Variants in HECW2 observed in about 807,000 individuals in gnomAD.
HECW2 encodes the protein HECT, C2 and WW domain containing E3 ubiquitin protein ligase 2.
Under a neutral mutation model 175.2 loss-of-function variants are expected in HECW2, and 61 were observed. The observed-to-expected ratio is 0.35, with a 90% CI of 0.28 to 0.43. The LOEUF (loss-of-function observed/expected upper bound fraction) is 0.43. Ranked by LOEUF, HECW2 falls within the 20% of genes least tolerant of loss-of-function variation. The pLI, the probability that HECW2 is intolerant of heterozygous loss-of-function variation, is 1.00. For synonymous variants in HECW2, 671 were observed against 731.0 expected (o/e 0.92, Z 1.32); for missense variants, 1,524 against 2,000.5 (o/e 0.76, Z 4.54).
intron 1 of HECW2, among the ~76,000 whole-genome samples, chr2:196,559,535 C>A (rs1016055294): frequency 1.3e-5 from 2 of 152,188 alleles, no homozygotes; most frequent in Admixed American, 6.5e-5. Flanking sequence ...ATGCGACAAG[C>A]CTGCAGTGTC....
intron 18 of HECW2, 76 bp downstream of exon 18, chr2:196,257,737 AATATTGGCAT>A: frequency 1.1e-6 from 1 of 948,108 alleles, no homozygotes; most frequent in Non-Finnish European, 1.7e-6. Flanking sequence ...TTAGGCTATG[AATATTGGCAT>A]ATTATTTTCT....
intron 3 of HECW2, among the ~76,000 whole-genome samples, chr2:196,340,698 G>A (rs1692719369): frequency 6.6e-6 from 1 of 151,880 alleles, no homozygotes; most frequent in Non-Finnish European, 1.5e-5. Flanking sequence ...AAGGGTAGGG[G>A]GTGAGTGTTT....
intron 1 of HECW2, among the ~76,000 whole-genome samples, chr2:196,489,014 C>T (rs1176082028): frequency 6.6e-6 from 1 of 152,070 alleles, no homozygotes; most frequent in Non-Finnish European, 1.5e-5. Flanking sequence ...AATGTATATA[C>T]TAACTAAAAC....
At chr2:196,292,889 T>C in intron 13 of HECW2, 139 bp from the exon 14 acceptor site, 1 of 623,382 alleles carries the variant, frequency 1.6e-6, no homozygotes, top group East Asian at 2.9e-5. Flanking sequence ...TAGACCCATG[T>C]ATGGAAACAG....
At chr2:196,586,517 G>T (rs1399721635) in intron 1 of HECW2, 1 of 152,062 alleles carries the variant, frequency 6.6e-6, no homozygotes, top group African/African-American at 2.4e-5. Flanking sequence ...CAGACACAGG[G>T]GCCACAGTTT....
chr2:196,415,343 A>G (rs949493600), intron 2 of HECW2, among the ~76,000 whole-genome samples: 3 of 152,194 alleles, frequency 2.0e-5, no homozygotes, highest in African/African-American at 7.2e-5. Context: ...TCTACCAACA[A>G]AAACAGGGGA....
At chr2:196,435,758 G>C (rs865806405) in intron 1 of HECW2, among the ~76,000 whole-genome samples, 2 of 152,122 alleles carry the variant, frequency 1.3e-5, no homozygotes, top group South Asian at 4.1e-4. Flanking sequence ...TTAACTCTCT[G>C]TCCCTCTGTT....
intron 21 of HECW2, among the ~76,000 whole-genome samples, chr2:196,237,760 A>C (rs891335729): frequency 3.3e-5 from 5 of 152,176 alleles, no homozygotes; most frequent in Admixed American, 1.3e-4. Context: ...TGCTCAAATT[A>C]TCTCAGCTTT....
chr2:196,287,556 T>C (rs1044980418), intron 14 of HECW2, among the ~76,000 whole-genome samples: 4 of 152,134 alleles, frequency 2.6e-5, no homozygotes, highest in African/African-American at 9.7e-5. Flanking sequence ...AAAAGAGACT[T>C]TTTTTTCTAA....
chr2:196,410,582 A>G (rs1695083235), intron 2 of HECW2, among the ~76,000 whole-genome samples: 1 of 152,212 alleles, frequency 6.6e-6, no homozygotes, highest in African/African-American at 2.4e-5. Context: ...AAAGCTCCCT[A>G]GGAATATAGG....
chr2:196,409,900 C>T (rs1247986477), intron 2 of HECW2, among the ~76,000 whole-genome samples: 1 of 152,300 alleles, frequency 6.6e-6, no homozygotes, highest in South Asian at 2.1e-4. Context: ...AAGGGAGAGA[C>T]TGCGTATTAC....
intron 2 of HECW2, among the ~76,000 whole-genome samples, chr2:196,428,686 G>T (rs1695618947): frequency 6.6e-6 from 1 of 152,086 alleles, no homozygotes; most frequent in Admixed American, 6.6e-5. Flanking sequence ...AATTGTTGTT[G>T]CTTCTTTTAA....
intron 17 of HECW2, among the ~76,000 whole-genome samples, chr2:196,265,220 C>A (rs1689463531): frequency 6.6e-6 from 1 of 152,226 alleles, no homozygotes; most frequent in South Asian, 2.1e-4. Context: ...CAGGGTGGCT[C>A]ACGCCTATAA....
chr2:196,525,448 C>T (rs1234392320), intron 1 of HECW2, among the ~76,000 whole-genome samples: 3 of 149,800 alleles, frequency 2.0e-5, no homozygotes, highest in Non-Finnish European at 3.0e-5. Context: ...CAGTCTGTGT[C>T]TTTTAATTGG....
At chr2:196,394,418 T>C (rs764516566) in intron 2 of HECW2, among the ~76,000 whole-genome samples, 1 of 152,184 alleles carries the variant, frequency 6.6e-6, no homozygotes, top group Non-Finnish European at 1.5e-5. Context: ...ATAGACCAAT[T>C]AGATAGAGAG....
chr2:196,355,037 C>T (rs1160870595), intron 2 of HECW2, among the ~76,000 whole-genome samples: 1 of 152,116 alleles, frequency 6.6e-6, no homozygotes, highest in Non-Finnish European at 1.5e-5. Context: ...TTTGATAATG[C>T]TCAAATGGAA....
At chr2:196,491,076 G>A (rs912015550) in intron 1 of HECW2, among the ~76,000 whole-genome samples, 2 of 151,940 alleles carry the variant, frequency 1.3e-5, no homozygotes, top group African/African-American at 2.4e-5. Flanking sequence ...ACCAAATCAC[G>A]CACTCAAAAT....
chr2:196,538,237 G>A (rs1301658591), intron 1 of HECW2, among the ~76,000 whole-genome samples: 1 of 152,216 alleles, frequency 6.6e-6, no homozygotes, highest in Non-Finnish European at 1.5e-5. Context: ...AAACAAGGAA[G>A]GTGATAAAGG....
chr2:196,217,241 GT>G, intron 26 of HECW2, 148 bp from the exon 27 acceptor site: 1 of 514,822 alleles, frequency 1.9e-6, no homozygotes, highest in Non-Finnish European at 3.4e-6. Context: ...GAATAACACT[GT>G]ATATATGATC....
Sources: allele counts gnomAD v4.1 joint callset (sites outside exome capture counted in the v4.1 genomes callset), GRCh38; gene constraint gnomAD v4.1.1; transcripts MANE v1.5; gene names NCBI Gene and HGNC (gene_info 2026-07-23, HGNC 2026-07-21).